The following KLRD1 variants were observed in gnomAD, a reference collection of about 807,000 sequenced individuals.
KLRD1 encodes killer cell lectin like receptor D1.
KLRD1 carries 21 observed loss-of-function variants against 22.6 expected under a neutral mutation model. The ratio of observed to expected loss-of-function variants is 0.93; its 90% CI spans 0.66 to 1.34. The LOEUF (loss-of-function observed/expected upper bound fraction) is 1.34. Among genes scored for constraint, KLRD1 ranks in the 40% most tolerant of loss-of-function variants. The pLI, the probability that KLRD1 is intolerant of heterozygous loss-of-function variation, is 0.00. For missense variants in KLRD1, 183 were observed against 208.6 expected, an observed-to-expected ratio of 0.88 and a Z score of 0.76; for synonymous variants, 59 against 71.1, an observed-to-expected ratio of 0.83 and a Z score of 0.85.
Position 10,329,168 on chromosome 12 carries a change from C to T in KLRD1, c.*14375C>T, listed in dbSNP as rs1288583415. On this transcript the variant is annotated 3_prime_UTR_variant, in exon 6 of 6. Transcript: ENST00000336164. ...TCATCACTATAAACTTTTCTTTTAG[C>T]CCTACTTTTACTACATCCCATAAGT... The T allele has an allele frequency of 6.6e-6, 1 of 152,062 alleles. No homozygotes were observed. Among genetic ancestry groups the T allele is most frequent in the Non-Finnish European group, 1.5e-5 (1 of 68,008 alleles). The allele number at this position is 152,062 out of a possible 1,614,324, so 9.4% of individuals were successfully genotyped here. A position where few individuals can be genotyped will look rare whatever the true frequency, so the allele number is the denominator to read the frequency against.
intron 1 of KLRD1, among the ~76,000 whole-genome samples, chr12:10,275,668 AT>A (rs1237859636): frequency 6.6e-6 from 1 of 152,204 alleles, no homozygotes; most frequent in Non-Finnish European, 1.5e-5. Flanking sequence ...ATGGAATGTT[AT>A]TTTAGTCATA....
At chr12:10,270,933 A>G (rs1288960194) in intron 1 of KLRD1, among the ~76,000 whole-genome samples, 1 of 151,860 alleles carries the variant, frequency 6.6e-6, no homozygotes, top group Non-Finnish European at 1.5e-5. Flanking sequence ...ACAGGTGCAT[A>G]CCACCATGCC....
chr12:10,308,154 G>T, intron 1 of KLRD1, 70 bp downstream of exon 1: 1 of 1,383,540 alleles, frequency 7.2e-7, no homozygotes, highest in East Asian at 2.3e-5. Context: ...CTGATTTTGG[G>T]GTAATGCTTT....
chr12:10,306,253 T>G (rs557024359), upstream of KLRD1, among the ~76,000 whole-genome samples: 2 of 152,014 alleles, frequency 1.3e-5, no homozygotes, highest in East Asian at 3.9e-4. Flanking sequence ...ATATGTTTAC[T>G]GTGTGTGTGT....
chr12:10,293,959 G>T (rs995663768), intron 1 of KLRD1, among the ~76,000 whole-genome samples: 1 of 152,082 alleles, frequency 6.6e-6, no homozygotes, highest in Non-Finnish European at 1.5e-5. Context: ...TTATTCCCTT[G>T]GTATGAACGC....
intron 1 of KLRD1, among the ~76,000 whole-genome samples, chr12:10,298,711 C>A (rs1949842484): frequency 6.6e-6 from 1 of 152,236 alleles, no homozygotes; most frequent in African/African-American, 2.4e-5. Flanking sequence ...AGAACATGTT[C>A]CTGCTGCAGT....
chr12:10,285,952 T>C (rs544946350), intron 1 of KLRD1, among the ~76,000 whole-genome samples: 4 of 152,238 alleles, frequency 2.6e-5, no homozygotes, highest in Non-Finnish European at 4.4e-5. Flanking sequence ...CTCCTTAAGC[T>C]GTGTCTTCTG....
At chr12:10,276,844 T>G (rs1310192058) in intron 1 of KLRD1, among the ~76,000 whole-genome samples, 5 of 152,192 alleles carry the variant, frequency 3.3e-5, no homozygotes, top group African/African-American at 1.2e-4. Context: ...TGAAGTTTCT[T>G]TTTAAAAATT....
chr12:10,248,074 C>G (rs147361687), intron 1 of KLRD1, among the ~76,000 whole-genome samples: 2 of 152,124 alleles, frequency 1.3e-5, no homozygotes, highest in Admixed American at 6.5e-5. Context: ...TGTGCACATG[C>G]GTGACCTTGA....
chr12:10,301,180 A>G (rs1447497796), upstream of KLRD1, among the ~76,000 whole-genome samples: 1 of 152,126 alleles, frequency 6.6e-6, no homozygotes, highest in African/African-American at 2.4e-5. Context: ...TTGTCCTTTG[A>G]CTCATTTCTG....
chr12:10,324,356 C>T lies in KLRD1; in HGVS notation c.*9563C>T, dbSNP rs1469329078. The T allele has an allele frequency of 6.6e-6, 1 of 152,084 alleles. No homozygotes were observed. The highest frequency in any genetic ancestry group is 2.4e-5 in the African/African-American group (1 of 41,364). 9.4% of individuals were successfully genotyped at this position (152,084 alleles called of 1,614,324 possible). On this transcript the variant is annotated 3_prime_UTR_variant, in exon 6 of 6. Transcript: ENST00000336164. ...TGTCATCCTGGTAATCAGCATAGTA[C>T]CTGACAGGCAGTTTTTCTATCCTCA... is the stretch of plus-strand genomic sequence containing the variant.
At position 10,315,739 on chromosome 12, in the gene KLRD1, TA is replaced by T. The variant is rs1405996286; in HGVS notation, c.*947del. ...TATCTTCTGTTTTGATTTTAACACT[TA>T]GAGTGGTTTTCTCTGTTATGAATCA... On this transcript the variant is annotated 3_prime_UTR_variant, in exon 6 of 6. Coordinates refer to ENST00000336164, the MANE Select transcript of KLRD1 (RefSeq NM_002262.5). 1 of 152,210 alleles carries T rather than the reference TA, an allele frequency of 6.6e-6. No homozygotes were observed. The highest frequency in any genetic ancestry group is 1.5e-5 in the Non-Finnish European group (1 of 68,074). The allele number at this position is 152,210 out of a possible 1,614,324, so 9.4% of individuals were successfully genotyped here.
At chr12:10,246,572 G>T (rs1949293210) in intron 1 of KLRD1, among the ~76,000 whole-genome samples, 3 of 152,026 alleles carry the variant, frequency 2.0e-5, no homozygotes, top group African/African-American at 7.3e-5. Flanking sequence ...TTTACACTAT[G>T]GTGTATAGTA....
chr12:10,272,978 G>A (rs1949562994), intron 1 of KLRD1, among the ~76,000 whole-genome samples: 2 of 152,164 alleles, frequency 1.3e-5, no homozygotes, highest in Admixed American at 1.3e-4. Context: ...CGGATTTTCA[G>A]AAATACCTTT....
chr12:10,281,384 CTTGT>C (rs1949640857), intron 1 of KLRD1, among the ~76,000 whole-genome samples: 3 of 152,224 alleles, frequency 2.0e-5, no homozygotes, highest in East Asian at 1.9e-4. Flanking sequence ...TAAATTTGTG[CTTGT>C]TTGTTACAGC....
At chr12:10,292,956 T>C (rs1006813340) in intron 1 of KLRD1, among the ~76,000 whole-genome samples, 23 of 151,478 alleles carry the variant, frequency 1.5e-4, no homozygotes, top group Non-Finnish European at 3.2e-4. Context: ...CTGCTTCACC[T>C]TGTACATTTC....
intron 1 of KLRD1, among the ~76,000 whole-genome samples, chr12:10,261,158 G>A (rs1427313703): frequency 6.6e-6 from 1 of 152,146 alleles, no homozygotes. Flanking sequence ...TTTCTGGTGT[G>A]CTCTGTTGAA....
intron 1 of KLRD1, among the ~76,000 whole-genome samples, chr12:10,252,954 TAAAA>T (rs11460315): frequency 1.4e-5 from 2 of 145,198 alleles, no homozygotes; most frequent in Admixed American, 6.7e-5. Context: ...TGGGCAGTTG[TAAAA>T]AAAAAAAAAA....
rs1335952651 is a variant in KLRD1 at position 10,323,365 on chromosome 12, A to G, written c.*8572A>G. 1 of 152,182 alleles carries G rather than the reference A, an allele frequency of 6.6e-6. No individual in the cohort carries two copies. The highest frequency in any genetic ancestry group is 1.5e-5 in the Non-Finnish European group (1 of 68,026). 9.4% of individuals were successfully genotyped at this position (152,182 alleles called of 1,614,324 possible). The stretch of plus-strand genomic sequence containing the variant: ...ATTTTAGTCTAAGGACCTTCTGGAT[A>G]CTATGCATTTGCATACAATTGTACA... On this transcript the variant is annotated 3_prime_UTR_variant, in exon 6 of 6. Coordinates refer to ENST00000336164, the MANE Select transcript of KLRD1 (RefSeq NM_002262.5).
Sources: allele counts gnomAD v4.1 joint callset (sites outside exome capture counted in the v4.1 genomes callset), GRCh38; gene constraint gnomAD v4.1.1; transcripts MANE v1.5; gene names NCBI Gene and HGNC (gene_info 2026-07-23, HGNC 2026-07-21).